The following CLSTN2 variants were observed in gnomAD, a reference collection of about 807,000 sequenced individuals.
CLSTN2 encodes the protein calsyntenin-2.
CLSTN2 carries 48 observed loss-of-function variants against 101.2 expected under a neutral mutation model. That is an observed-to-expected ratio of 0.47 (90% CI 0.38 to 0.60). The LOEUF (loss-of-function observed/expected upper bound fraction) is 0.60. Ranked by LOEUF, CLSTN2 falls within the 20% of genes least tolerant of loss-of-function variation. The probability of loss-of-function intolerance (pLI) is 0.00; values close to 1 mark genes in which losing one functional copy is unlikely to be tolerated. For missense variants in CLSTN2, 1,160 were observed against 1,238.2 expected (o/e 0.94, Z 0.95); for synonymous variants, 481 against 463.6 (o/e 1.04, Z -0.48).
chr3:140,445,924 T>C (rs1933066333), intron 5 of CLSTN2, among the ~76,000 whole-genome samples: 1 of 152,052 alleles, frequency 6.6e-6, no homozygotes, highest in African/African-American at 2.4e-5. Context: ...CAGCCTCATG[T>C]TGAAAATACT....
At chr3:140,192,564 A>G (rs2010584413) in intron 2 of CLSTN2, among the ~76,000 whole-genome samples, 1 of 151,714 alleles carries the variant, frequency 6.6e-6, no homozygotes, top group Non-Finnish European at 1.5e-5. Flanking sequence ...CTCTGTCTCC[A>G]GTAATTTTTT....
intron 2 of CLSTN2, among the ~76,000 whole-genome samples, chr3:140,385,080 T>G (rs1045232804): frequency 6.6e-6 from 1 of 152,168 alleles, no homozygotes; most frequent in South Asian, 2.1e-4. Context: ...TCTGTCAAAT[T>G]GTTTGAAAAC....
intron 2 of CLSTN2, among the ~76,000 whole-genome samples, chr3:140,248,492 A>G (rs1293922621): frequency 6.6e-6 from 1 of 152,226 alleles, no homozygotes; most frequent in African/African-American, 2.4e-5. Context: ...GCCAGAATGC[A>G]TTCAATGGAC....
intron 1 of CLSTN2, among the ~76,000 whole-genome samples, chr3:140,016,278 C>T (rs375618342): frequency 1.3e-5 from 2 of 152,176 alleles, no homozygotes; most frequent in African/African-American, 4.8e-5. Flanking sequence ...AGAAATCTGG[C>T]AAACCAGTGA....
intron 2 of CLSTN2, among the ~76,000 whole-genome samples, chr3:140,394,082 C>G (rs1325775192): frequency 6.6e-6 from 1 of 152,146 alleles, no homozygotes; most frequent in Non-Finnish European, 1.5e-5. Context: ...GGTCTGCCAT[C>G]CCTTTGTGCT....
intron 2 of CLSTN2, among the ~76,000 whole-genome samples, chr3:140,358,245 C>T (rs1468847349): frequency 6.6e-6 from 1 of 152,122 alleles, no homozygotes; most frequent in Non-Finnish European, 1.5e-5. Flanking sequence ...TTTCTGGAAG[C>T]TTCCTGGCTT....
At chr3:140,358,281 G>A (rs1190747246) in intron 2 of CLSTN2, among the ~76,000 whole-genome samples, 1 of 152,132 alleles carries the variant, frequency 6.6e-6, no homozygotes, top group African/African-American at 2.4e-5. Flanking sequence ...GCTCCCAGAG[G>A]TGGCTCTGGG....
rs569121060 is a variant in CLSTN2, at chr3:140,286,852, G to A, written c.232+110779G>A. 6.6e-5 allele frequency among the ~76,000 whole-genome samples: 10 copies of A among 152,298 alleles called. No individual in the cohort carries two copies. The South Asian group carries it at 2.1e-3, about 32-fold the overall frequency. ...GGCAGTGGACCAGAGGGATAGGTGG[G>A]CTTTGTAGGAGTGGGAGGTAAGCGA... On this transcript the variant is annotated intron_variant, in intron 2 of 16. Transcript: ENST00000458420.
chr3:140,042,596 C>T (rs1009896981), intron 1 of CLSTN2, among the ~76,000 whole-genome samples: 2 of 152,052 alleles, frequency 1.3e-5, no homozygotes, highest in Admixed American at 6.6e-5. Flanking sequence ...CATATGTGTA[C>T]GTGCGCCATG....
At chr3:139,963,432 A>G (rs1161819244) in intron 1 of CLSTN2, among the ~76,000 whole-genome samples, 2 of 151,954 alleles carry the variant, frequency 1.3e-5, no homozygotes, top group African/African-American at 4.8e-5. Context: ...TAGACTTCCT[A>G]ATATTAAGAG....
intron 1 of CLSTN2, among the ~76,000 whole-genome samples, chr3:140,071,790 C>A (rs1264227865): frequency 1.3e-5 from 2 of 151,844 alleles, no homozygotes; most frequent in Non-Finnish European, 2.9e-5. Context: ...GAGACTGCGC[C>A]ACTGCACTCC....
rs139563814 is a variant in CLSTN2, at chr3:139,940,223, G to A, written c.109+4740G>A. On this transcript the variant is annotated intron_variant, in intron 1 of 16. Coordinates refer to ENST00000458420, the MANE Select transcript of CLSTN2 (RefSeq NM_022131.3). ...TGAACACACCTGTTTGTAATCCCTAGTGCTGTCATTTCTTGACATAGACAA... is the reference window on the plus strand; with the variant it reads ...TGAACACACCTGTTTGTAATCCCTAATGCTGTCATTTCTTGACATAGACAA... Among the ~76,000 whole-genome samples, 11 of 152,274 alleles carry A rather than the reference G, an allele frequency of 7.2e-5. No individual in the cohort carries two copies. In the South Asian group the frequency reaches 1.5e-3, roughly 20 times the overall value.
intron 1 of CLSTN2, among the ~76,000 whole-genome samples, chr3:140,143,624 C>G (rs1361235144): frequency 6.6e-6 from 1 of 152,206 alleles, no homozygotes; most frequent in African/African-American, 2.4e-5. Flanking sequence ...TTAACCACCA[C>G]CAGATTCTCT....
intron 2 of CLSTN2, among the ~76,000 whole-genome samples, chr3:140,200,084 C>T (rs2010698949): frequency 6.6e-6 from 1 of 152,128 alleles, no homozygotes; most frequent in Non-Finnish European, 1.5e-5. Context: ...ATTTAAGAGT[C>T]TGTATTCTAC....
chr3:139,985,354 A>G (rs1936003655), intron 1 of CLSTN2, among the ~76,000 whole-genome samples: 1 of 152,276 alleles, frequency 6.6e-6, no homozygotes, highest in South Asian at 2.1e-4. Flanking sequence ...GACAACCCAA[A>G]TAAAGCGGTG....
intron 8 of CLSTN2, among the ~76,000 whole-genome samples, chr3:140,469,055 C>T (rs918432432): frequency 6.6e-6 from 1 of 152,192 alleles, no homozygotes; most frequent in Non-Finnish European, 1.5e-5. Context: ...ACCATGTCCT[C>T]ACATGGCAGA....
chr3:140,029,451 C>G (rs1385983613), intron 1 of CLSTN2, among the ~76,000 whole-genome samples: 2 of 152,158 alleles, frequency 1.3e-5, no homozygotes, highest in Non-Finnish European at 2.9e-5. Flanking sequence ...AATAGAACAG[C>G]TGATACGGAT....
intron 8 of CLSTN2, among the ~76,000 whole-genome samples, chr3:140,485,229 C>G (rs1306664544): frequency 1.3e-5 from 2 of 152,166 alleles, no homozygotes; most frequent in Admixed American, 6.5e-5. Context: ...CACTCCAGAC[C>G]CTGTTTTCCT....
At chr3:140,056,671 T>A (rs1391028897) in intron 1 of CLSTN2, among the ~76,000 whole-genome samples, 1 of 152,144 alleles carries the variant, frequency 6.6e-6, no homozygotes, top group East Asian at 1.9e-4. Context: ...CAAATTACAC[T>A]CTCTAATTAC....
Sources: allele counts gnomAD v4.1 joint callset (sites outside exome capture counted in the v4.1 genomes callset), GRCh38; gene constraint gnomAD v4.1.1; transcripts MANE v1.5; gene names NCBI Gene and HGNC (gene_info 2026-07-23, HGNC 2026-07-21).